The following HSPA4L variants were observed in gnomAD, a reference collection of about 807,000 sequenced individuals.
HSPA4L encodes the protein heat shock protein family A (Hsp70) member 4 like.
A neutral mutation model predicts 100.3 loss-of-function variants in HSPA4L; 48 were observed. The observed-to-expected ratio is 0.48, with a 90% confidence interval of 0.38 to 0.61. The LOEUF is 0.61. Ranked by LOEUF, HSPA4L falls within the 20% of genes least tolerant of loss-of-function variation. HSPA4L has a pLI of 0.00. For synonymous variants in HSPA4L, 319 were observed against 328.2 expected, an observed-to-expected ratio of 0.97 and a Z score of 0.30; for missense variants, 886 against 988.6, an observed-to-expected ratio of 0.90 and a Z score of 1.39.
chr4:127,788,145 AT>A (rs1732770744), intron 1 of HSPA4L, among the ~76,000 whole-genome samples: 1 of 152,090 alleles, frequency 6.6e-6, no homozygotes, highest in Non-Finnish European at 1.5e-5. Flanking sequence ...AGTATACCTA[AT>A]CAGCTTTTAA....
chr4:127,838,046 A>C lies in HSPA4L; in HGVS notation c.*5172A>C, dbSNP rs1734252493. 1 of 152,120 alleles carries C rather than the reference A, an allele frequency of 6.6e-6. No individual in the cohort carries two copies. Among genetic ancestry groups the C allele is most frequent in the African/African-American group, 2.4e-5 (1 of 41,408 alleles). The allele number at this position is 152,120 out of a possible 1,614,324, so 9.4% of individuals were successfully genotyped here. ...TTGAACTCCTGACTTCAAATGATCCACCCACATCCACCTGCCAGAGTGCTG... is the reference window on the plus strand; with the variant it reads ...TTGAACTCCTGACTTCAAATGATCCCCCCACATCCACCTGCCAGAGTGCTG... On this transcript the variant is annotated 3_prime_UTR_variant, in exon 19 of 19. Transcript: ENST00000296464.
Position 127,834,844 on chromosome 4 carries a change from A to ATCCT in HSPA4L, c.*1971_*1974dup, listed in dbSNP as rs1325444069. 6.6e-6 allele frequency: 1 copy of ATCCT among 152,158 alleles called. No individual in the cohort carries two copies. Among genetic ancestry groups the ATCCT allele is most frequent in the Non-Finnish European group, 1.5e-5 (1 of 68,004 alleles). 9.4% of individuals were successfully genotyped at this position (152,158 alleles called of 1,614,324 possible). ...TTAATACATCTAAATTTTCTAGTAT[A>ATCCT]TCCTGACATTTTCCATTCCTGCTCT... On this transcript the variant is annotated 3_prime_UTR_variant, in exon 19 of 19. Coordinates refer to ENST00000296464, the MANE Select transcript of HSPA4L (RefSeq NM_014278.4).
Position 127,838,841 on chromosome 4 carries a change from A to G in HSPA4L, c.*5967A>G, listed in dbSNP as rs923893935. 5 of 152,136 alleles carry G rather than the reference A, an allele frequency of 3.3e-5. No individual in the cohort carries two copies. Among genetic ancestry groups the G allele is most frequent in the Admixed American group, 2.0e-4 (3 of 15,272 alleles). The allele number at this position is 152,136 out of a possible 1,614,324, so 9.4% of individuals were successfully genotyped here. A position where few individuals can be genotyped will look rare whatever the true frequency, so the allele number is the denominator to read the frequency against. On this transcript the variant is annotated 3_prime_UTR_variant, in exon 19 of 19. Coordinates refer to ENST00000296464, the MANE Select transcript of HSPA4L (RefSeq NM_014278.4). ...TAAAAATAGTTTTACTGATAATCCA[A>G]TCACTTGGATAGTTAATTTTATTAC...
intron 17 of HSPA4L, 146 bp from the exon 18 acceptor site, chr4:127,830,490 CTG>C (rs2148801269): frequency 1.9e-6 from 1 of 518,236 alleles, no homozygotes. Flanking sequence ...CTCTTCAGTT[CTG>C]TGTTATTCGT....
chr4:127,829,830 A>T (rs1055793884), intron 17 of HSPA4L, among the ~76,000 whole-genome samples: 5 of 152,078 alleles, frequency 3.3e-5, no homozygotes, highest in Non-Finnish European at 7.4e-5. Flanking sequence ...CTGGCAAAAG[A>T]AACTTAAAAA....
Position 127,801,215 on chromosome 4 carries a change from G to C in HSPA4L, c.507G>C (p.Arg169Ser). 6.2e-7 allele frequency: 1 copy of C among 1,611,160 alleles called. No individual in the cohort carries two copies. Among genetic ancestry groups the C allele is most frequent in the Non-Finnish European group, 8.5e-7 (1 of 1,178,486 alleles). Residue 169 changes from arginine (R) to serine (S), a missense_variant, in exon 5 of 19, where the codon AGG (arginine) becomes AGC (serine). Coordinates refer to ENST00000296464, the MANE Select transcript of HSPA4L (RefSeq NM_014278.4). Reference protein sequence around the residue: ...AAQVAGLNCLRLMNETTAVAL... With the variant: ...AAQVAGLNCLSLMNETTAVAL... Reference sequence around the variant, plus strand: ...AGGTTGCAGGCTTAAATTGTTTAAGGTTGATGAATGAAACTACTGCAGGTG... The same window carrying C: ...AGGTTGCAGGCTTAAATTGTTTAAGCTTGATGAATGAAACTACTGCAGGTG...
intron 3 of HSPA4L, among the ~76,000 whole-genome samples, chr4:127,796,867 G>A (rs1459125710): frequency 6.6e-6 from 1 of 152,148 alleles, no homozygotes; most frequent in East Asian, 1.9e-4. Context: ...TGATGAAAAT[G>A]TTCTACAATT....
At chr4:127,829,772 ATTT>A (rs745376569) in intron 17 of HSPA4L, among the ~76,000 whole-genome samples, 1 of 146,182 alleles carries the variant, frequency 6.8e-6, no homozygotes, top group African/African-American at 2.5e-5. Context: ...CAGGCTAGAG[ATTT>A]TTTTTTTTTT....
chr4:127,809,175 A>T (rs1475379432), intron 11 of HSPA4L: 21 of 959,518 alleles, frequency 2.2e-5, no homozygotes, highest in Non-Finnish European at 3.5e-5. Context: ...GGAAAATTGC[A>T]TCAAACTCTT....
chr4:127,783,785 C>G, intron 1 of HSPA4L: 1 of 1,000,628 alleles, frequency 1.0e-6, no homozygotes, highest in Non-Finnish European at 1.5e-6. Context: ...GCCTCATTTA[C>G]TATTCTATGG....
In HSPA4L at chr4:127,795,892, G is replaced by A. The variant is rs1250932415; in HGVS notation, c.290G>A (p.Gly97Glu). ...TATGAACTGCAGAAAATGCCTAATG[G>A]AAGTGCAGGAGTTAAGGTAAGCTTT... ...LPYELQKMPN[G>E]SAGVKVRYLE... Residue 97 changes from glycine to glutamate, a missense_variant, in exon 3 of 19, where the codon GGA (glycine) becomes GAA (glutamate). Coordinates refer to ENST00000296464, the MANE Select transcript of HSPA4L (RefSeq NM_014278.4). The A allele has an allele frequency of 6.2e-7, 1 of 1,613,614 alleles. No homozygotes were observed. The highest frequency in any genetic ancestry group is 8.5e-7 in the Non-Finnish European group (1 of 1,179,634).
At chr4:127,804,538 G>A (rs533572487) in intron 8 of HSPA4L, among the ~76,000 whole-genome samples, 15 of 151,798 alleles carry the variant, frequency 9.9e-5, no homozygotes, top group Admixed American at 2.6e-4. Context: ...CCTGGGAGGC[G>A]GATGTTGCAG....
At chr4:127,810,750 T>C (rs1271496266) in intron 11 of HSPA4L, among the ~76,000 whole-genome samples, 2 of 152,152 alleles carry the variant, frequency 1.3e-5, no homozygotes, top group Non-Finnish European at 2.9e-5. Flanking sequence ...AGAGTGAAAC[T>C]GTGTCTCAAA....
chr4:127,786,992 GATTTTCTT>G (rs1732735724), intron 1 of HSPA4L, among the ~76,000 whole-genome samples: 1 of 152,112 alleles, frequency 6.6e-6, no homozygotes, highest in African/African-American at 2.4e-5. Context: ...AGGGAATATG[GATTTTCTT>G]TAAATGAAAC....
At chr4:127,793,959 T>A in intron 1 of HSPA4L, 118 bp from the exon 2 acceptor site, 1 of 584,394 alleles carries the variant, frequency 1.7e-6, no homozygotes, top group South Asian at 3.8e-5. Context: ...AACCTATTTT[T>A]AAAATAATAT....
intron 8 of HSPA4L, 69 bp downstream of exon 8, chr4:127,804,156 A>G: frequency 8.3e-6 from 10 of 1,198,176 alleles, no homozygotes; most frequent in Non-Finnish European, 1.2e-5. Flanking sequence ...GTAGATAATG[A>G]TAAAATAAAT....
chr4:127,803,326 T>C (rs1733247328), intron 6 of HSPA4L, among the ~76,000 whole-genome samples: 1 of 150,636 alleles, frequency 6.6e-6, no homozygotes, highest in Admixed American at 6.7e-5. Flanking sequence ...TTCAGTGCTG[T>C]TGTAGAACCA....
In HSPA4L at chr4:127,836,117, C is replaced by T. The variant is rs148660282; in HGVS notation, c.*3243C>T. ...AGGCAGTGGCCCACGCCTGTAATCC[C>T]AGCACTTTGGGAGGCCAAGGCGGGC... On this transcript the variant is annotated 3_prime_UTR_variant, in exon 19 of 19. Transcript: ENST00000296464. The T allele has an allele frequency of 0.046, 6,943 of 151,440 alleles. 228 individuals are homozygous for T. The highest frequency in any genetic ancestry group is 0.076 in the Non-Finnish European group (5,168 of 68,434). 9.4% of individuals were successfully genotyped at this position (151,440 alleles called of 1,614,324 possible).
At position 127,803,741 on chromosome 4, in the gene HSPA4L, ACT is replaced by A. The variant is rs745845420; in HGVS notation, c.780_781del (p.Arg261GlyfsTer10). ...AAATATAAGATAAATGTGAAAGAAA[ACT>A]CTCGGGCCTTGTTGCGTTTATATCA... On this transcript the variant is annotated frameshift_variant, in exon 7 of 19. Transcript: ENST00000296464. LOFTEE classifies it high-confidence loss of function. 1.2e-5 allele frequency: 19 copies of A among 1,613,574 alleles called. No homozygotes were observed. The highest frequency in any genetic ancestry group is 1.6e-5 in the Non-Finnish European group (19 of 1,179,892).
Sources: allele counts gnomAD v4.1 joint callset (sites outside exome capture counted in the v4.1 genomes callset), GRCh38; gene constraint gnomAD v4.1.1; transcripts MANE v1.5; gene names NCBI Gene and HGNC (gene_info 2026-07-23, HGNC 2026-07-21).